Variants in CMSS1 observed in about 807,000 individuals in gnomAD.
The protein encoded by CMSS1 is cms1 ribosomal small subunit homolog.
A neutral mutation model predicts 43.5 loss-of-function variants in CMSS1; 33 were observed. That is an observed-to-expected ratio of 0.76 (90% confidence interval 0.57 to 1.01). The LOEUF (loss-of-function observed/expected upper bound fraction) is 1.01. Among genes scored for constraint, CMSS1 ranks in the 50% least tolerant of loss-of-function variants. CMSS1 has a pLI of 0.00. For missense variants in CMSS1, 313 were observed against 326.4 expected (o/e 0.96, Z 0.32); for synonymous variants, 115 against 117.2 (o/e 0.98, Z 0.12).
intron 1 of CMSS1, among the ~76,000 whole-genome samples, chr3:99,869,467 C>G (rs563022010): frequency 1.3e-5 from 2 of 152,238 alleles, no homozygotes; most frequent in Non-Finnish European, 2.9e-5. Flanking sequence ...GATAATTTTC[C>G]TTTTAGCAGC....
intron 1 of CMSS1, among the ~76,000 whole-genome samples, chr3:100,012,779 T>TTG (rs1710197030): frequency 1.5e-5 from 2 of 134,764 alleles, no homozygotes; most frequent in African/African-American, 2.7e-5. Flanking sequence ...TTTTTTTTTT[T>TTG]GGGTTGGGGG....
At chr3:99,855,665 T>C (rs1211253508) in intron 1 of CMSS1, among the ~76,000 whole-genome samples, 1 of 152,194 alleles carries the variant, frequency 6.6e-6, no homozygotes, top group African/African-American at 2.4e-5. Flanking sequence ...AACTATCAAC[T>C]TAAAAAATCT....
At chr3:100,100,319 A>G (rs1576060178) in intron 1 of CMSS1, among the ~76,000 whole-genome samples, 1 of 152,312 alleles carries the variant, frequency 6.6e-6, no homozygotes, top group Middle Eastern at 3.4e-3. Context: ...AGTCCCAAAA[A>G]TAGCAATATT....
At chr3:100,074,071 T>C (rs1323073912) in intron 1 of CMSS1, among the ~76,000 whole-genome samples, 1 of 152,216 alleles carries the variant, frequency 6.6e-6, no homozygotes, top group African/African-American at 2.4e-5. Context: ...GGCCTTTTTT[T>C]TCCCTTCCCT....
intron 2 of CMSS1, among the ~76,000 whole-genome samples, chr3:100,158,068 C>T (rs750888872): frequency 1.1e-4 from 17 of 152,308 alleles, no homozygotes; most frequent in Middle Eastern, 3.4e-3. Context: ...TTGTTGAAAT[C>T]TCTCCATTAC....
intron 1 of CMSS1, among the ~76,000 whole-genome samples, chr3:99,895,847 T>C (rs1706233194): frequency 6.6e-6 from 1 of 152,192 alleles, no homozygotes; most frequent in East Asian, 1.9e-4. Flanking sequence ...AAATGTTGGC[T>C]AAACTCTAGC....
At chr3:99,953,732 G>A (rs1708243432) in intron 1 of CMSS1, among the ~76,000 whole-genome samples, 1 of 152,188 alleles carries the variant, frequency 6.6e-6, no homozygotes, top group Non-Finnish European at 1.5e-5. Context: ...TGAAACCACA[G>A]TGATGGCCTT....
At chr3:99,920,599 T>C (rs1389741059) in intron 1 of CMSS1, among the ~76,000 whole-genome samples, 1 of 152,214 alleles carries the variant, frequency 6.6e-6, no homozygotes, top group Non-Finnish European at 1.5e-5. Flanking sequence ...CCGCACAGAT[T>C]ACAGCTAAGG....
chr3:99,840,354 G>T (rs1488569538), intron 1 of CMSS1, among the ~76,000 whole-genome samples: 1 of 149,682 alleles, frequency 6.7e-6, no homozygotes, highest in South Asian at 2.1e-4. Flanking sequence ...CTCCCAAGTA[G>T]CTGGGATTAC....
At chr3:99,852,486 G>C (rs746206026) in intron 1 of CMSS1, among the ~76,000 whole-genome samples, 2 of 151,554 alleles carry the variant, frequency 1.3e-5, no homozygotes, top group East Asian at 3.9e-4. Flanking sequence ...TCACTCTGTC[G>C]CCAGGCTGGA....
At position 99,996,241 on chromosome 3, in the gene CMSS1, C is replaced by G. The variant is rs574711409; in HGVS notation, c.65-150732C>G. Among the ~76,000 whole-genome samples the G allele has an allele frequency of 2.0e-5, 3 of 152,290 alleles. No individual in the cohort carries two copies. The South Asian group carries it at 6.2e-4, about 32-fold the overall frequency. On this transcript the variant is annotated intron_variant, in intron 1 of 9. Coordinates refer to ENST00000421999, the MANE Select transcript of CMSS1 (RefSeq NM_032359.4). ...TTCAAAGTTTCACAAATCTCTAGGG[C>G]AGGGGCAAAATGCTGCCAATCTCTT...
At chr3:99,968,375 G>C (rs1226905441) in intron 1 of CMSS1, among the ~76,000 whole-genome samples, 2 of 150,662 alleles carry the variant, frequency 1.3e-5, no homozygotes, top group African/African-American at 4.9e-5. Flanking sequence ...TTGCTGTCTT[G>C]TTTACTGTTG....
intron 1 of CMSS1, among the ~76,000 whole-genome samples, chr3:100,130,864 T>C (rs1335707179): frequency 6.6e-6 from 1 of 152,092 alleles, no homozygotes; most frequent in African/African-American, 2.4e-5. Flanking sequence ...AAGAATAGGA[T>C]AGTGGAGGAC....
chr3:99,846,838 A>C (rs944999028), intron 1 of CMSS1, among the ~76,000 whole-genome samples: 32 of 152,234 alleles, frequency 2.1e-4, no homozygotes, highest in African/African-American at 7.5e-4. Flanking sequence ...ACTGGCAATA[A>C]AATTAACCAC....
chr3:99,835,967 T>A (rs1286010264), intron 1 of CMSS1, among the ~76,000 whole-genome samples: 1 of 152,014 alleles, frequency 6.6e-6, no homozygotes, highest in African/African-American at 2.4e-5. Flanking sequence ...GGGAGGATAG[T>A]TAGTATGGTG....
At chr3:100,033,784 CT>C (rs1460414233) in intron 1 of CMSS1, among the ~76,000 whole-genome samples, 1 of 152,086 alleles carries the variant, frequency 6.6e-6, no homozygotes. Flanking sequence ...AAATTTTATT[CT>C]TTCCATGAAT....
chr3:100,025,065 A>C (rs2064893774), intron 1 of CMSS1, among the ~76,000 whole-genome samples: 1 of 152,164 alleles, frequency 6.6e-6, no homozygotes, highest in South Asian at 2.1e-4. Context: ...TTTTCTTTGA[A>C]TTCTTCCTGA....
At chr3:100,172,104 C>T (rs1040440822) in intron 7 of CMSS1, 4 of 632,294 alleles carry the variant, frequency 6.3e-6, no homozygotes, top group Non-Finnish European at 1.1e-5. Context: ...TGCTCTGTCC[C>T]TGTATAGAAC....
chr3:100,026,521 G>C (rs1046175359), intron 1 of CMSS1, among the ~76,000 whole-genome samples: 1 of 152,088 alleles, frequency 6.6e-6, no homozygotes. Context: ...CCAGTATTTT[G>C]AGAGGAGCTG....
Sources: gnomAD v4.1 joint callset for allele counts (sites outside exome capture counted in the v4.1 genomes callset) on GRCh38, gnomAD v4.1.1 for gene constraint, MANE v1.5 for transcripts, NCBI Gene and HGNC (gene_info 2026-07-23, HGNC 2026-07-21) for gene names.